Variants in RTN1 observed in about 807,000 individuals in gnomAD.
RTN1 encodes the protein reticulon 1, also known as reticulon-1.
RTN1 carries 25 observed loss-of-function variants against 65.5 expected under a neutral mutation model. The observed-to-expected ratio is 0.38, with a 90% CI of 0.28 to 0.53. The LOEUF (loss-of-function observed/expected upper bound fraction) is 0.53, where lower values mean the gene tolerates loss of function less well. Ranked by LOEUF, RTN1 falls within the 20% of genes least tolerant of loss-of-function variation. The probability of loss-of-function intolerance (pLI) is 0.79; values close to 1 mark genes in which losing one functional copy is unlikely to be tolerated. For missense variants in RTN1, 983 were observed against 1,025.4 expected (o/e 0.96, Z 0.57); for synonymous variants, 471 against 447.6 (o/e 1.05, Z -0.66).
intron 1 of RTN1, among the ~76,000 whole-genome samples, chr14:59,793,311 C>G (rs992835540): frequency 6.6e-6 from 1 of 152,198 alleles, no homozygotes; most frequent in Non-Finnish European, 1.5e-5. Context: ...AAGCAGAGTT[C>G]TATCCTAGGC....
rs1019833133 is a variant in RTN1, at chr14:59,803,015, A to C, written c.242-56534T>G. On this transcript the variant is annotated intron_variant, in intron 1 of 8. Transcript: ENST00000267484. The surrounding 1 kb of genome is among the most constrained non-coding windows in gnomAD (Gnocchi z 5.6). ...TCACTGAAAAAAAAAAACCCTACAC[A>C]ACAATCCACCATCCTCTTGGTGAAA... 6.6e-6 allele frequency among the ~76,000 whole-genome samples: 1 copy of C among 152,060 alleles called. No homozygotes were observed. The highest frequency in any genetic ancestry group is 1.5e-5 in the Non-Finnish European group (1 of 67,990).
intron 1 of RTN1, among the ~76,000 whole-genome samples, chr14:59,799,974 C>G (rs1464772582): frequency 6.6e-6 from 1 of 152,152 alleles, no homozygotes; most frequent in African/African-American, 2.4e-5. Context: ...GGGGAGAATT[C>G]CTATCTCCAC....
intron 3 of RTN1, among the ~76,000 whole-genome samples, chr14:59,627,320 A>T (rs1293432327): frequency 6.6e-6 from 1 of 152,242 alleles, no homozygotes; most frequent in Non-Finnish European, 1.5e-5. Context: ...GGGTCTCTGG[A>T]GACAGCCCAG....
At chr14:59,771,252 T>G (rs943931083) in intron 1 of RTN1, among the ~76,000 whole-genome samples, 2 of 152,216 alleles carry the variant, frequency 1.3e-5, no homozygotes, top group African/African-American at 2.4e-5. Flanking sequence ...AGAAGCTACC[T>G]GTGGCCATGG....
Position 59,774,835 on chromosome 14 carries a change from T to C in RTN1, c.242-28354A>G, listed in dbSNP as rs76307146. Among the ~76,000 whole-genome samples, 5,466 of 152,244 alleles carry C rather than the reference T, an allele frequency of 0.036. 149 individuals are homozygous for C. The highest frequency in any genetic ancestry group is 0.055 in the Non-Finnish European group (3,771 of 68,010). On this transcript the variant is annotated intron_variant, in intron 1 of 8. Transcript: ENST00000267484. This position sits in a 1 kb window ranked among gnomAD's most constrained non-coding sequence, Gnocchi z 5.1. The stretch of plus-strand genomic sequence containing the variant: ...GATCAGAACTCACTCTTCTGAACAA[T>C]TTCTTGATGATTAAAGTACCGTCTT...
chr14:59,857,487 G>C (rs1171877198), intron 1 of RTN1, among the ~76,000 whole-genome samples: 1 of 152,084 alleles, frequency 6.6e-6, no homozygotes, highest in Non-Finnish European at 1.5e-5. Context: ...CCCAGCCATA[G>C]GGCACAAAAC....
At chr14:59,789,636 G>A (rs2139586207) in intron 1 of RTN1, among the ~76,000 whole-genome samples, 1 of 152,096 alleles carries the variant, frequency 6.6e-6, no homozygotes, top group South Asian at 2.1e-4. Flanking sequence ...AAATTTGGCT[G>A]GGTATAACAA....
At chr14:59,609,861 T>C (rs373338475) in intron 3 of RTN1, among the ~76,000 whole-genome samples, 110 of 152,302 alleles carry the variant, frequency 7.2e-4, no homozygotes, top group African/African-American at 2.6e-3. Context: ...AAGTGAATTA[T>C]ACAAAACAAA....
rs891095098 is a variant in RTN1, at chr14:59,837,495, A to G, written c.241+32895T>C. On this transcript the variant is annotated intron_variant, in intron 1 of 8. Coordinates refer to ENST00000267484, the MANE Select transcript of RTN1 (RefSeq NM_021136.3). ...ATTTCTAATATGTCAACACCATTAAAAACATCAAATAACAAACTGATAAAT... is the reference window on the plus strand; with the variant it reads ...ATTTCTAATATGTCAACACCATTAAGAACATCAAATAACAAACTGATAAAT... 7.2e-5 allele frequency among the ~76,000 whole-genome samples: 11 copies of G among 152,224 alleles called. 1 individual carries two copies. The highest frequency in any genetic ancestry group is 6.5e-4 in the Admixed American group (10 of 15,306).
chr14:59,617,902 T>C (rs1882147126), intron 3 of RTN1, among the ~76,000 whole-genome samples: 1 of 152,204 alleles, frequency 6.6e-6, no homozygotes, highest in Non-Finnish European at 1.5e-5. Flanking sequence ...ACATCCCCTG[T>C]CAGCAGGAAG....
At chr14:59,720,161 T>C (rs147425316) in intron 3 of RTN1, among the ~76,000 whole-genome samples, 1,571 of 152,116 alleles carry the variant, frequency 0.01, 33 homozygotes, top group African/African-American at 0.035. Context: ...TAACTGTCCC[T>C]AGAAATAATA....
intron 1 of RTN1, among the ~76,000 whole-genome samples, chr14:59,806,032 T>TA (rs886640060): frequency 6.0e-5 from 9 of 150,332 alleles, no homozygotes; most frequent in African/African-American, 2.2e-4. Flanking sequence ...GCTCAAGAGA[T>TA]AGAGACCATC....
chr14:59,742,512 G>C (rs1320714412), intron 2 of RTN1, among the ~76,000 whole-genome samples: 1 of 152,134 alleles, frequency 6.6e-6, no homozygotes, highest in Admixed American at 6.6e-5. Flanking sequence ...AAATAGGTAA[G>C]TATGTTGGAG....
At chr14:59,792,989 C>T (rs1886377589) in intron 1 of RTN1, among the ~76,000 whole-genome samples, 1 of 152,104 alleles carries the variant, frequency 6.6e-6, no homozygotes, top group South Asian at 2.1e-4. Flanking sequence ...GAAAACTTCC[C>T]TGAAATCATG....
At chr14:59,619,442 T>C (rs917393370) in intron 3 of RTN1, among the ~76,000 whole-genome samples, 1 of 152,234 alleles carries the variant, frequency 6.6e-6, no homozygotes, top group Non-Finnish European at 1.5e-5. Flanking sequence ...ACTTGCTCTT[T>C]AGGCTCTGTC....
intron 3 of RTN1, among the ~76,000 whole-genome samples, chr14:59,666,962 C>CA (rs146213616): frequency 0.072 from 4,307 of 59,662 alleles, 149 homozygotes; most frequent in African/African-American, 0.083. Context: ...GCCGACCAAC[C>CA]AAAAAAAAAA....
Position 59,749,558 on chromosome 14 carries a change from TC to T in RTN1, c.242-3078del, listed in dbSNP as rs1359218221. Among the ~76,000 whole-genome samples, 102 of 49,134 alleles carry T rather than the reference TC, an allele frequency of 2.1e-3. 29 individuals are homozygous for T. Among genetic ancestry groups the T allele is most frequent in the African/African-American group, 0.014 (82 of 5,690 alleles). 32.2% of individuals were successfully genotyped at this position (49,134 alleles called of 152,430 possible). On this transcript the variant is annotated intron_variant, in intron 1 of 8. Coordinates refer to ENST00000267484, the MANE Select transcript of RTN1 (RefSeq NM_021136.3). ...CTATCTATATATATTTATATAGATA[TC>T]TATATATAGATATATATATATAGAT...
In RTN1 at chr14:59,803,382, C is replaced by T. The variant is rs984649650; in HGVS notation, c.242-56901G>A. On this transcript the variant is annotated intron_variant, in intron 1 of 8. Coordinates refer to ENST00000267484, the MANE Select transcript of RTN1 (RefSeq NM_021136.3). The surrounding 1 kb of genome is among the most constrained non-coding windows in gnomAD (Gnocchi z 5.6). Reference sequence around the variant, plus strand: ...TCCTTCAGGAGGGGAACTAGTATCTCGGGGAATGAATGACCTACTTCCCTC... The same window carrying T: ...TCCTTCAGGAGGGGAACTAGTATCTTGGGGAATGAATGACCTACTTCCCTC... 1.3e-5 allele frequency among the ~76,000 whole-genome samples: 2 copies of T among 152,130 alleles called. No homozygotes were observed. The highest frequency in any genetic ancestry group is 4.8e-5 in the African/African-American group (2 of 41,426).
At chr14:59,647,832 A>G (rs1463911658) in intron 3 of RTN1, among the ~76,000 whole-genome samples, 1 of 152,210 alleles carries the variant, frequency 6.6e-6, no homozygotes, top group East Asian at 1.9e-4. Context: ...CTTAATATCA[A>G]AAGTTAGAAT....
Sources: gnomAD v4.1 joint callset for allele counts (sites outside exome capture counted in the v4.1 genomes callset) on GRCh38, gnomAD v4.1.1 for gene constraint, Gnocchi (gnomAD v3.1) non-coding constraint, MANE v1.5 for transcripts, NCBI Gene and HGNC (gene_info 2026-07-23, HGNC 2026-07-21) for gene names.